Variants in IGF1 observed in about 807,000 individuals in gnomAD.
The protein encoded by IGF1 is insulin like growth factor 1, also known as insulin-like growth factor 1.
A neutral mutation model predicts 13.8 loss-of-function variants in IGF1; 4 were observed. The ratio of observed to expected loss-of-function variants is 0.29; its 90% CI spans 0.14 to 0.66. IGF1 has a LOEUF of 0.66. Among genes scored for constraint, IGF1 ranks in the 30% least tolerant of loss-of-function variants. The pLI is 0.78. For synonymous variants in IGF1, 76 were observed against 72.6 expected, an observed-to-expected ratio of 1.05 and a Z score of -0.23; for missense variants, 124 against 188.5, an observed-to-expected ratio of 0.66 and a Z score of 2.00.
intron 2 of IGF1, among the ~76,000 whole-genome samples, chr12:102,432,745 G>A (rs75930213): frequency 0.028 from 4,205 of 152,206 alleles, 84 homozygotes; most frequent in African/African-American, 0.039. Flanking sequence ...TGATGACAAG[G>A]GACTCTGGTC....
In IGF1 at chr12:102,417,974, C is replaced by T. The variant is rs186353772; in HGVS notation, c.402+1535G>A. The T allele has an allele frequency of 3.4e-4, 544 of 1,612,982 alleles. 1 individual carries two copies. The African/African-American group carries it at 6.6e-3, about 20-fold the overall frequency. Reference sequence around the variant, plus strand: ...GCCAACCTTTCCTTCTCTGAGACTTCGTGTTCTTGTTGGTAGATGGGGGCT... The same window carrying T: ...GCCAACCTTTCCTTCTCTGAGACTTTGTGTTCTTGTTGGTAGATGGGGGCT... On this transcript the variant is annotated intron_variant, in intron 3 of 3. Coordinates refer to ENST00000337514, the MANE Select transcript of IGF1 (RefSeq NM_000618.5).
chr12:102,480,245 G>GT, intron 1 of IGF1, 74 bp downstream of exon 1: 1 of 1,404,966 alleles, frequency 7.1e-7, no homozygotes, highest in East Asian at 2.3e-5. Flanking sequence ...GTGAAGAACA[G>GT]TTCTAGGCAG....
chr12:102,426,988 T>C (rs939352925), intron 2 of IGF1, among the ~76,000 whole-genome samples: 1 of 152,186 alleles, frequency 6.6e-6, no homozygotes. Context: ...AGGCTAGGTA[T>C]TAGCATTTCA....
At chr12:102,431,985 A>G (rs1876780178) in intron 2 of IGF1, among the ~76,000 whole-genome samples, 1 of 152,196 alleles carries the variant, frequency 6.6e-6, no homozygotes, top group Admixed American at 6.5e-5. Flanking sequence ...AGACCCTTGA[A>G]TTGCATAAAG....
At chr12:102,458,415 T>C (rs1879608498) in intron 2 of IGF1, among the ~76,000 whole-genome samples, 1 of 152,176 alleles carries the variant, frequency 6.6e-6, no homozygotes, top group Non-Finnish European at 1.5e-5. Flanking sequence ...AAAAGGATCA[T>C]GTTCTGTTTA....
chr12:102,405,128 C>T (rs1202906676), intron 3 of IGF1, among the ~76,000 whole-genome samples: 1 of 151,398 alleles, frequency 6.6e-6, no homozygotes, highest in African/African-American at 2.4e-5. Context: ...CACTCTGTCA[C>T]CCAGGCTGGA....
At chr12:102,426,185 C>A (rs1156661401) in intron 2 of IGF1, among the ~76,000 whole-genome samples, 1 of 152,140 alleles carries the variant, frequency 6.6e-6, no homozygotes, top group Non-Finnish European at 1.5e-5. Flanking sequence ...GTTTTGGAAC[C>A]AGACAGTCTG....
At position 102,396,912 on chromosome 12, in the gene IGF1, G is replaced by T; in HGVS notation, c.*5595C>A. On this transcript the variant is annotated 3_prime_UTR_variant, in exon 4 of 4. Coordinates refer to ENST00000337514, the MANE Select transcript of IGF1 (RefSeq NM_000618.5). ...ATCCATGTAATCATACATTAAGAGG[G>T]AACACATGGGCAGGGTGTGGTGGCT... 1 of 398,334 alleles carries T rather than the reference G, an allele frequency of 2.5e-6. No individual in the cohort carries two copies. The highest frequency in any genetic ancestry group is 1.3e-4 in the South Asian group (1 of 7,838). The allele number at this position is 398,334 out of a possible 1,614,324, so 24.7% of individuals were successfully genotyped here.
chr12:102,474,328 C>T (rs1373801652), intron 2 of IGF1, among the ~76,000 whole-genome samples: 1 of 152,180 alleles, frequency 6.6e-6, no homozygotes, highest in African/African-American at 2.4e-5. Flanking sequence ...AAAGGACTGG[C>T]TGGAAGCAAA....
At chr12:102,404,412 A>C (rs961957340) in intron 3 of IGF1, among the ~76,000 whole-genome samples, 1 of 152,214 alleles carries the variant, frequency 6.6e-6, no homozygotes, top group Non-Finnish European at 1.5e-5. Flanking sequence ...AGGTTTTCTT[A>C]CACATGTTTT....
chr12:102,456,898 TAAC>T (rs1239940057), intron 2 of IGF1, among the ~76,000 whole-genome samples: 2 of 152,168 alleles, frequency 1.3e-5, no homozygotes, highest in Admixed American at 1.3e-4. Context: ...CCCTCAATTC[TAAC>T]AACACTTCAC....
chr12:102,442,288 C>T (rs5742652), intron 2 of IGF1, among the ~76,000 whole-genome samples: 4,147 of 152,044 alleles, frequency 0.027, 90 homozygotes, highest in African/African-American at 0.041. Flanking sequence ...CCTGCCTAGA[C>T]AGAAGTGAAT....
At chr12:102,435,880 C>T (rs546641523) in intron 2 of IGF1, among the ~76,000 whole-genome samples, 1 of 152,338 alleles carries the variant, frequency 6.6e-6, no homozygotes, top group Admixed American at 6.5e-5. Flanking sequence ...TGCTCAAGCA[C>T]TTGCATTTTC....
rs35626892 is a variant in IGF1, at chr12:102,421,861, G to A, written c.221-2171C>T. 3.0e-4 allele frequency among the ~76,000 whole-genome samples: 45 copies of A among 152,246 alleles called. No homozygotes were observed. In the South Asian group the frequency reaches 5.2e-3, roughly 18 times the overall value. On this transcript the variant is annotated intron_variant, in intron 2 of 3. Coordinates refer to ENST00000337514, the MANE Select transcript of IGF1 (RefSeq NM_000618.5). ...TGCTTCTGAGGTCCCACAGGTGCTG[G>A]AGCTCCTTGTCTGCTATAAGAGGAA...
At position 102,421,966 on chromosome 12, in the gene IGF1, G is replaced by A. The variant is rs117110927; in HGVS notation, c.221-2276C>T. Among the ~76,000 whole-genome samples the A allele has an allele frequency of 3.0e-4, 45 of 152,204 alleles. No homozygotes were observed. In the East Asian group the frequency reaches 8.3e-3, roughly 28 times the overall value. ...CTTCTTGGTGACTGTAAACAACCAT[G>A]AAACTCACCACATGTCGATTTCCTC... On this transcript the variant is annotated intron_variant, in intron 2 of 3. Transcript: ENST00000337514.
At chr12:102,436,940 G>A (rs1877291123) in intron 2 of IGF1, among the ~76,000 whole-genome samples, 1 of 152,196 alleles carries the variant, frequency 6.6e-6, no homozygotes, top group South Asian at 2.1e-4. Context: ...TCCATATTGG[G>A]AGCACTGGGA....
rs57084343 is a variant in IGF1, at chr12:102,441,915, CCTT to C, written c.221-22228_221-22226del. ...GTCATTCTATTACACTGCTTCTTCT[CCTT>C]CTTCTTCTTCTTCTTCTTCTTCTTC... On this transcript the variant is annotated intron_variant, in intron 2 of 3. Coordinates refer to ENST00000337514, the MANE Select transcript of IGF1 (RefSeq NM_000618.5). Among the ~76,000 whole-genome samples the C allele has an allele frequency of 9.1e-4, 111 of 122,178 alleles. 4 individuals are homozygous for C. The highest frequency in any genetic ancestry group is 7.4e-3 in the Middle Eastern group (2 of 270). The allele number at this position is 122,178 out of a possible 152,430, so 80.2% of individuals were successfully genotyped here.
chr12:102,450,023 T>C (rs1878777773), intron 2 of IGF1, among the ~76,000 whole-genome samples: 1 of 152,116 alleles, frequency 6.6e-6, no homozygotes, highest in Non-Finnish European at 1.5e-5. Context: ...GGTTACGAGA[T>C]GAAGACTTCA....
At chr12:102,405,855 G>C (rs933798911) in intron 3 of IGF1, among the ~76,000 whole-genome samples, 2 of 152,260 alleles carry the variant, frequency 1.3e-5, no homozygotes, top group Admixed American at 1.3e-4. Flanking sequence ...ATTAGCGGGG[G>C]GCTATAGCAA....
Sources: allele counts gnomAD v4.1 joint callset (sites outside exome capture counted in the v4.1 genomes callset), GRCh38; gene constraint gnomAD v4.1.1; transcripts MANE v1.5; gene names NCBI Gene and HGNC (gene_info 2026-07-23, HGNC 2026-07-21).